TSHZ2: variants seen among roughly 807,000 people sequenced by gnomAD.
TSHZ2 encodes teashirt zinc finger homeobox 2, also known as teashirt homolog 2.
In TSHZ2, 21 loss-of-function variants were observed where a neutral mutation model predicts 74.4. That is an observed-to-expected ratio of 0.28 (90% CI 0.20 to 0.41). The LOEUF (loss-of-function observed/expected upper bound fraction) is 0.41, where lower values mean the gene tolerates loss of function less well. Among genes scored for constraint, TSHZ2 ranks in the 10% least tolerant of loss-of-function variants. The pLI, the probability that TSHZ2 is intolerant of heterozygous loss-of-function variation, is 1.00. For missense variants in TSHZ2, 1,244 were observed against 1,293.5 expected (o/e 0.96, Z 0.59); for synonymous variants, 540 against 515.3 (o/e 1.05, Z -0.65).
intron 2 of TSHZ2, among the ~76,000 whole-genome samples, chr20:53,310,833 C>A (rs572001439): frequency 6.6e-6 from 1 of 152,268 alleles, no homozygotes; most frequent in South Asian, 2.1e-4. Flanking sequence ...AAAGTGACAT[C>A]CCATAACCTT....
In TSHZ2 at chr20:53,473,041, G is replaced by A. The variant is rs1985874193; in HGVS notation, c.*9-14103G>A. On this transcript the variant is annotated intron_variant, in intron 2 of 2. Transcript: ENST00000371497. ...AGTCTCGCTGATTGCTAGCACAGCA[G>A]TCTGAGATCAAACTGCAAGATGGCA... Among the ~76,000 whole-genome samples, 7 of 151,012 alleles carry A rather than the reference G, an allele frequency of 4.6e-5. No homozygotes were observed. In the South Asian group the frequency reaches 1.5e-3, roughly 32 times the overall value.
At chr20:53,274,924 G>GT (rs1455700006) in intron 2 of TSHZ2, among the ~76,000 whole-genome samples, 3 of 152,080 alleles carry the variant, frequency 2.0e-5, no homozygotes, top group Non-Finnish European at 4.4e-5. Context: ...ACAGCCACAG[G>GT]TTTTTCCCCC....
chr20:53,157,600 CTCA>C (rs1172575573), intron 1 of TSHZ2, among the ~76,000 whole-genome samples: 25 of 152,026 alleles, frequency 1.6e-4, no homozygotes, highest in Non-Finnish European at 3.4e-4. Context: ...AGAAAGTATT[CTCA>C]TCATGAAAAT....
chr20:53,273,909 G>A (rs139370936), intron 2 of TSHZ2, among the ~76,000 whole-genome samples: 142 of 152,218 alleles, frequency 9.3e-4, no homozygotes, highest in African/African-American at 3.0e-3. Context: ...TGCTCTTCCC[G>A]AATCTCCCCT....
At position 53,404,044 on chromosome 20, in the gene TSHZ2, C is replaced by G. The variant is rs1982762889; in HGVS notation, c.*9-83100C>G. Among the ~76,000 whole-genome samples, 4 of 152,302 alleles carry G rather than the reference C, an allele frequency of 2.6e-5. No homozygotes were observed. In the South Asian group the frequency reaches 8.3e-4, roughly 32 times the overall value. On this transcript the variant is annotated intron_variant, in intron 2 of 2. Transcript: ENST00000371497. Reference sequence around the variant, plus strand: ...CTAAGATGTTGAGAGAAATGGATTTCTAGAATATGACCTGGCCCTGACTTT... The same window carrying G: ...CTAAGATGTTGAGAGAAATGGATTTGTAGAATATGACCTGGCCCTGACTTT...
intron 1 of TSHZ2, among the ~76,000 whole-genome samples, chr20:53,055,635 A>AT (rs1984615299): frequency 6.6e-6 from 1 of 151,758 alleles, no homozygotes. Flanking sequence ...CTTCTCAAAC[A>AT]TTTTTTTCAG....
intron 2 of TSHZ2, among the ~76,000 whole-genome samples, chr20:53,298,540 G>A (rs6512878): frequency 0.14 from 20,697 of 152,182 alleles, 1,989 homozygotes; most frequent in African/African-American, 0.27. Context: ...TTTCACATAC[G>A]AGAAGGAGCT....
rs939980643 is a variant in TSHZ2, at chr20:53,131,254, G to A, written c.41-122245G>A. On this transcript the variant is annotated intron_variant, in intron 1 of 2. Coordinates refer to ENST00000371497, the MANE Select transcript of TSHZ2 (RefSeq NM_173485.6). ...CTCCATATTAGATTACATGTTTTAG[G>A]ACAATAAATCAGTGAAAGAAAAGTA... Among the ~76,000 whole-genome samples, 5 of 152,290 alleles carry A rather than the reference G, an allele frequency of 3.3e-5. 1 individual carries two copies. Among genetic ancestry groups the A allele is most frequent in the Admixed American group, 6.5e-5 (1 of 15,296 alleles).
At chr20:53,402,025 T>C (rs1312104642) in intron 2 of TSHZ2, among the ~76,000 whole-genome samples, 3 of 152,136 alleles carry the variant, frequency 2.0e-5, no homozygotes, top group Non-Finnish European at 4.4e-5. Context: ...CCTCGTGATC[T>C]GCCCGCCTTG....
Position 53,406,055 on chromosome 20 carries a change from T to G in TSHZ2, c.*9-81089T>G, listed in dbSNP as rs144523336. Among the ~76,000 whole-genome samples, 333 of 152,256 alleles carry G rather than the reference T, an allele frequency of 2.2e-3. 2 individuals carry two copies. Among genetic ancestry groups the G allele is most frequent in the Middle Eastern group, 0.02 (6 of 294 alleles). ...AATAAATAGTGGTGAGGTGGATGAT[T>G]CTAGACAGGGTAGATGATGAAGGCA... On this transcript the variant is annotated intron_variant, in intron 2 of 2. Coordinates refer to ENST00000371497, the MANE Select transcript of TSHZ2 (RefSeq NM_173485.6).
chr20:53,020,052 G>A (rs1983182810), intron 1 of TSHZ2, among the ~76,000 whole-genome samples: 1 of 152,100 alleles, frequency 6.6e-6, no homozygotes, highest in African/African-American at 2.4e-5. Context: ...TATGCAGGGG[G>A]AAACTGCCAC....
At position 53,475,119 on chromosome 20, in the gene TSHZ2, G is replaced by C. The variant is rs1187787263; in HGVS notation, c.*9-12025G>C. ...ATCAACGAGACAGAAAGTCAGCAAG[G>C]ATACCCAGGAATTGAACTCAGCTCT... is the stretch of plus-strand genomic sequence containing the variant. On this transcript the variant is annotated intron_variant, in intron 2 of 2. Transcript: ENST00000371497. Among the ~76,000 whole-genome samples, 22 of 139,560 alleles carry C rather than the reference G, an allele frequency of 1.6e-4. 6 individuals are homozygous for C. Among genetic ancestry groups the C allele is most frequent in the Admixed American group, 7.1e-5 (1 of 14,008 alleles). 91.6% of individuals were successfully genotyped at this position (139,560 alleles called of 152,430 possible).
At chr20:53,039,423 CTTTA>C (rs748208856) in intron 1 of TSHZ2, among the ~76,000 whole-genome samples, 61 of 152,154 alleles carry the variant, frequency 4.0e-4, no homozygotes, top group Non-Finnish European at 8.1e-4. Context: ...ACAGGTAGAT[CTTTA>C]TTAAATATGT....
intron 1 of TSHZ2, among the ~76,000 whole-genome samples, chr20:53,036,840 A>T (rs1983840974): frequency 6.7e-6 from 1 of 149,896 alleles, no homozygotes. Flanking sequence ...CATAAACTTT[A>T]TATTATATAT....
chr20:53,098,258 A>G (rs1986114589), intron 1 of TSHZ2, among the ~76,000 whole-genome samples: 1 of 152,230 alleles, frequency 6.6e-6, no homozygotes, highest in Non-Finnish European at 1.5e-5. Context: ...AGCCTCAGCG[A>G]TAATAATGCA....
rs114251054 is a variant in TSHZ2, at chr20:53,343,273, C to G, written c.*8+86702C>G. ...TGAGCCACCGCACCGGGCCAGGACCCGTATTTCTAACAAGACGGCAGGTGC... is the reference window on the plus strand; with the variant it reads ...TGAGCCACCGCACCGGGCCAGGACCGGTATTTCTAACAAGACGGCAGGTGC... On this transcript the variant is annotated intron_variant, in intron 2 of 2. Transcript: ENST00000371497. Among the ~76,000 whole-genome samples, 9 of 152,206 alleles carry G rather than the reference C, an allele frequency of 5.9e-5. No individual in the cohort carries two copies. In the East Asian group the frequency reaches 9.7e-4, roughly 16 times the overall value.
At chr20:53,375,996 A>G (rs548911704) in intron 2 of TSHZ2, among the ~76,000 whole-genome samples, 1 of 152,352 alleles carries the variant, frequency 6.6e-6, no homozygotes, top group African/African-American at 2.4e-5. Context: ...GGTGTTACCA[A>G]GAAGTACAAA....
chr20:53,331,293 G>A (rs917984792), intron 2 of TSHZ2, among the ~76,000 whole-genome samples: 2 of 152,202 alleles, frequency 1.3e-5, no homozygotes, highest in African/African-American at 4.8e-5. Context: ...ACGGAAGGTA[G>A]TAACTAACCA....
intron 1 of TSHZ2, among the ~76,000 whole-genome samples, chr20:53,023,247 G>C (rs973401734): frequency 6.6e-6 from 1 of 152,148 alleles, no homozygotes; most frequent in Non-Finnish European, 1.5e-5. Flanking sequence ...GAGACACTTG[G>C]AGGTGGTGTT....
Sources: allele counts gnomAD v4.1 joint callset (sites outside exome capture counted in the v4.1 genomes callset), GRCh38; gene constraint gnomAD v4.1.1; transcripts MANE v1.5; gene names NCBI Gene and HGNC (gene_info 2026-07-23, HGNC 2026-07-21).